DNAJC19: variants seen among roughly 807,000 people sequenced by gnomAD.
DNAJC19 encodes DnaJ heat shock protein family (Hsp40) member C19.
A neutral mutation model predicts 19.8 loss-of-function variants in DNAJC19; 15 were observed. The observed-to-expected ratio is 0.76, with a 90% CI of 0.51 to 1.17. The LOEUF (loss-of-function observed/expected upper bound fraction) is 1.17, where lower values mean the gene tolerates loss of function less well. DNAJC19 is among the 50% of genes most tolerant of loss of function. DNAJC19 has a pLI of 0.00. For missense variants in DNAJC19, 105 were observed against 140.9 expected, an observed-to-expected ratio of 0.75 and a Z score of 1.29; for synonymous variants, 38 against 42.1, an observed-to-expected ratio of 0.90 and a Z score of 0.38.
chr3:180,986,791 TAC>T (rs1331867063), intron 4 of DNAJC19, 150 bp downstream of exon 4: 2 of 690,784 alleles, frequency 2.9e-6, no homozygotes, highest in East Asian at 5.1e-5. Context: ...GAAGGAACAG[TAC>T]AGTTTCATTG....
At chr3:180,989,527 C>T (rs1219932666) in intron 1 of DNAJC19, 73 bp downstream of exon 1, 5 of 1,553,900 alleles carry the variant, frequency 3.2e-6, no homozygotes, top group South Asian at 1.2e-5. Context: ...TTCAACTCCA[C>T]ACCTCCGAGG....
rs1488249327 is a variant in DNAJC19 at position 180,989,728 on chromosome 3, A to G, written c.-126T>C. Reference sequence around the variant, plus strand: ...CCCCAACCTCAAGCACAGGCGCCCTACGCAACACGGCAGGAGCAGCCGCAA... The same window carrying G: ...CCCCAACCTCAAGCACAGGCGCCCTGCGCAACACGGCAGGAGCAGCCGCAA... On this transcript the variant is annotated 5_prime_UTR_variant, in exon 1 of 6. Coordinates refer to ENST00000382564, the MANE Select transcript of DNAJC19 (RefSeq NM_145261.4). The G allele has an allele frequency of 9.4e-6, 14 of 1,485,432 alleles. No homozygotes were observed. Among genetic ancestry groups the G allele is most frequent in the South Asian group, 2.4e-5 (2 of 82,978 alleles). The allele number at this position is 1,485,432 out of a possible 1,614,324, so 92.0% of individuals were successfully genotyped here. A position where few individuals can be genotyped will look rare whatever the true frequency, so the allele number is the denominator to read the frequency against.
chr3:180,989,456 G>T, intron 1 of DNAJC19, 144 bp downstream of exon 1: 1 of 1,519,918 alleles, frequency 6.6e-7, no homozygotes, highest in Admixed American at 2.0e-5. Flanking sequence ...GTTGTGTCCT[G>T]GTGAGTGTGA....
At chr3:180,986,039 C>A in intron 4 of DNAJC19, 43 bp from the exon 5 acceptor site, 1 of 1,510,802 alleles carries the variant, frequency 6.6e-7, no homozygotes, top group East Asian at 2.3e-5. Context: ...CCTACTTCTG[C>A]ATCACATCAA....
At chr3:180,986,765 A>G in intron 4 of DNAJC19, 178 bp downstream of exon 4, 2 of 617,652 alleles carry the variant, frequency 3.2e-6, no homozygotes, top group Non-Finnish European at 5.7e-6. Context: ...GATTGTTTAC[A>G]TCTTAAAAAT....
intron 3 of DNAJC19, chr3:180,987,335 A>G (rs963789349): frequency 2.6e-5 from 9 of 349,358 alleles, no homozygotes; most frequent in Non-Finnish European, 4.8e-5. Context: ...AATTAGCCAT[A>G]TTCTAGATAA....
rs749213568 is a variant in DNAJC19, at chr3:180,987,016, T to A, written c.136A>T (p.Ser46Cys). Residue 46 changes from serine (S) to cysteine (C), a missense_variant, in exon 4 of 6, where the codon AGT (serine) becomes TGT (cysteine). Transcript: ENST00000382564. ...VFQSLPKSAF[S>C]GGYYRGGFEP... ...AACCCACCTCTATAATAGCCACCAC[T>A]GAAGGCCTGAAAGAAGAAATGCATT... 6.2e-7 allele frequency: 1 copy of A among 1,613,842 alleles called. No individual in the cohort carries two copies. The highest frequency in any genetic ancestry group is 1.1e-5 in the South Asian group (1 of 91,070).
At chr3:180,988,302 C>A (rs1364007670) in intron 1 of DNAJC19, 73 bp from the exon 2 acceptor site, 1 of 1,563,908 alleles carries the variant, frequency 6.4e-7, no homozygotes, top group Admixed American at 1.7e-5. Flanking sequence ...ATTCTTCCAT[C>A]CCCAACTCAT....
intron 5 of DNAJC19, among the ~76,000 whole-genome samples, chr3:180,985,106 G>A (rs545497906): frequency 1.4e-3 from 217 of 152,068 alleles, no homozygotes; most frequent in Non-Finnish European, 2.8e-3. Context: ...TATTCTCAGA[G>A]GCTTCTGAGC....
rs1715127418 is a variant in DNAJC19, at chr3:180,989,703, C to A, written c.-101G>T. The A allele has an allele frequency of 6.5e-7, 1 of 1,540,616 alleles. No individual in the cohort carries two copies. On this transcript the variant is annotated 5_prime_UTR_variant, in exon 1 of 6. Transcript: ENST00000382564. ...CGCCTTTACCAGAGAGCGACGCAAC[C>A]CCCAACCTCAAGCACAGGCGCCCTA...
intron 3 of DNAJC19, 121 bp from the exon 4 acceptor site, chr3:180,987,143 A>G (rs1053755252): frequency 1.9e-5 from 16 of 829,070 alleles, no homozygotes; most frequent in African/African-American, 3.4e-5. Context: ...TTTTAGTGCA[A>G]TTCCCGAGGT....
rs998894647 is a variant in DNAJC19 at position 180,983,726 on chromosome 3, T to C, written c.*914A>G. The C allele has an allele frequency of 3.5e-5, 15 of 428,194 alleles. No individual in the cohort carries two copies. The highest frequency in any genetic ancestry group is 1.4e-4 in the East Asian group (2 of 14,202). The allele number at this position is 428,194 out of a possible 1,614,324, so 26.5% of individuals were successfully genotyped here. On this transcript the variant is annotated 3_prime_UTR_variant, in exon 6 of 6. Coordinates refer to ENST00000382564, the MANE Select transcript of DNAJC19 (RefSeq NM_145261.4). ...GTAAGTAATTTGCCTTTAAACATCA[T>C]TTAAATTTATTAGTGTATAAATTCT...
Position 180,984,413 on chromosome 3 carries a change from AT to A in DNAJC19, c.*226del, listed in dbSNP as rs1268675620. ...ATCTGCTAAATGAGTAATGAACAAT[AT>A]TTCTATTCAGAAGGTGTGTGCTTGC... On this transcript the variant is annotated 3_prime_UTR_variant, in exon 6 of 6. Coordinates refer to ENST00000382564, the MANE Select transcript of DNAJC19 (RefSeq NM_145261.4). 1.8e-6 allele frequency: 1 copy of A among 554,200 alleles called. No homozygotes were observed. Among genetic ancestry groups the A allele is most frequent in the African/African-American group, 1.9e-5 (1 of 53,614 alleles). The allele number at this position is 554,200 out of a possible 1,614,324, so 34.3% of individuals were successfully genotyped here. A position where few individuals can be genotyped will look rare whatever the true frequency, so the allele number is the denominator to read the frequency against.
At chr3:180,985,879 CTA>C (rs758055036) in intron 5 of DNAJC19, 45 bp downstream of exon 5, 10 of 1,482,094 alleles carry the variant, frequency 6.7e-6, no homozygotes, top group Non-Finnish European at 8.5e-6. Flanking sequence ...CCATTAATAA[CTA>C]TTGGTCACAC....
chr3:180,984,485 T>G lies in DNAJC19; in HGVS notation c.*155A>C. ...TTCTAAACTATAATCTGATTTAAAA[T>G]CCCCAAATTTAAACAAGAAAATTAT... On this transcript the variant is annotated 3_prime_UTR_variant, in exon 6 of 6. Coordinates refer to ENST00000382564, the MANE Select transcript of DNAJC19 (RefSeq NM_145261.4). 1.5e-6 allele frequency: 1 copy of G among 662,536 alleles called. No homozygotes were observed. The highest frequency in any genetic ancestry group is 1.6e-5 in the South Asian group (1 of 63,756). 41.0% of individuals were successfully genotyped at this position (662,536 alleles called of 1,614,324 possible).
At chr3:180,987,439 T>C in intron 3 of DNAJC19, 1 of 254,288 alleles carries the variant, frequency 3.9e-6, no homozygotes, top group Middle Eastern at 1.4e-3. Flanking sequence ...ATACAGAAAA[T>C]ACCACTATTA....
upstream of DNAJC19, chr3:180,989,825 G>A (rs1715139011): frequency 6.5e-6 from 5 of 766,050 alleles, no homozygotes; most frequent in South Asian, 5.9e-5. Flanking sequence ...GGACAGAGCG[G>A]AGAAAGCGAC....
At position 180,984,619 on chromosome 3, in the gene DNAJC19, A is replaced by C; in HGVS notation, c.*21T>G. ...CATATACATAAACTAATACGAACTT[A>C]AAATTCATCATACATTTACTTCATT... On this transcript the variant is annotated 3_prime_UTR_variant, in exon 6 of 6. Coordinates refer to ENST00000382564, the MANE Select transcript of DNAJC19 (RefSeq NM_145261.4). The C allele has an allele frequency of 6.4e-7, 1 of 1,555,514 alleles. No individual in the cohort carries two copies. Among genetic ancestry groups the C allele is most frequent in the Non-Finnish European group, 8.8e-7 (1 of 1,133,710 alleles).
At chr3:180,984,779 CTT>C (rs763046512) in intron 5 of DNAJC19, 69 bp from the exon 6 acceptor site, 3 of 1,209,470 alleles carry the variant, frequency 2.5e-6, no homozygotes, top group Non-Finnish European at 3.6e-6. Flanking sequence ...AAAAGCTACT[CTT>C]GTTTCAAGGA....
Sources: allele counts gnomAD v4.1 joint callset (sites outside exome capture counted in the v4.1 genomes callset), GRCh38; gene constraint gnomAD v4.1.1; transcripts MANE v1.5; gene names NCBI Gene and HGNC (gene_info 2026-07-23, HGNC 2026-07-21).